NUTF2: variants seen among roughly 807,000 people sequenced by gnomAD.
The protein encoded by NUTF2 is nuclear transport factor 2, also known as placental protein 15.
NUTF2 carries 3 observed loss-of-function variants against 18.5 expected under a neutral mutation model. The ratio of observed to expected loss-of-function variants is 0.16; its 90% CI spans 0.07 to 0.42. The LOEUF (loss-of-function observed/expected upper bound fraction) is 0.42. NUTF2 is among the 10% of genes least tolerant of loss of function. The probability of loss-of-function intolerance (pLI) is 0.99; values close to 1 mark genes in which losing one functional copy is unlikely to be tolerated. For synonymous variants in NUTF2, 51 were observed against 57.9 expected, an observed-to-expected ratio of 0.88 and a Z score of 0.54; for missense variants, 44 against 160.7, an observed-to-expected ratio of 0.27 and a Z score of 3.93.
At chr16:67,859,047 C>G (rs1167350228) in intron 1 of NUTF2, among the ~76,000 whole-genome samples, 1 of 151,778 alleles carries the variant, frequency 6.6e-6, no homozygotes, top group East Asian at 1.9e-4. Context: ...GTTGTCCAGG[C>G]TGGTCTTGAA....
At chr16:67,865,060 C>A (rs1242443356) in intron 1 of NUTF2, 42 bp from the exon 2 acceptor site, 10 of 1,033,094 alleles carry the variant, frequency 9.7e-6, no homozygotes, top group African/African-American at 1.6e-5. Flanking sequence ...CACCTACTCT[C>A]ATGGTACCAA....
intron 2 of NUTF2, among the ~76,000 whole-genome samples, chr16:67,866,014 G>A (rs1002083724): frequency 2.6e-5 from 4 of 151,984 alleles, no homozygotes; most frequent in African/African-American, 4.8e-5. Flanking sequence ...CACTGCGCCC[G>A]GCATTTGCTG....
In NUTF2 at chr16:67,872,454, G is replaced by A. The variant is rs2058020501; in HGVS notation, c.*1541G>A. 6.6e-6 allele frequency: 1 copy of A among 152,370 alleles called. No homozygotes were observed. Among genetic ancestry groups the A allele is most frequent in the African/African-American group, 2.4e-5 (1 of 41,426 alleles). The allele number at this position is 152,370 out of a possible 1,614,324, so 9.4% of individuals were successfully genotyped here. ...GGCTGATGTGTATTTGGGGAAGTGG[G>A]GGTGGGGAAGAGGTAGGTGCCTGCT... is the stretch of plus-strand genomic sequence containing the variant. On this transcript the variant is annotated 3_prime_UTR_variant, in exon 5 of 5. Coordinates refer to ENST00000219169, the MANE Select transcript of NUTF2 (RefSeq NM_005796.3).
intron 1 of NUTF2, among the ~76,000 whole-genome samples, chr16:67,848,792 C>T (rs2057829527): frequency 6.6e-6 from 1 of 151,794 alleles, no homozygotes. Flanking sequence ...TCAATCTCTG[C>T]AGCTCTGGCC....
chr16:67,859,439 T>C (rs1361238764), intron 1 of NUTF2, among the ~76,000 whole-genome samples: 1 of 149,542 alleles, frequency 6.7e-6, no homozygotes, highest in Non-Finnish European at 1.5e-5. Flanking sequence ...AACCTCTGCC[T>C]CCCGGGTTCA....
At chr16:67,865,716 G>C (rs1436056442) in intron 2 of NUTF2, among the ~76,000 whole-genome samples, 1 of 149,770 alleles carries the variant, frequency 6.7e-6, no homozygotes, top group Admixed American at 6.6e-5. Flanking sequence ...ATTGCTGGCT[G>C]CTCTTTTTTT....
At chr16:67,855,261 G>T (rs986452841) in intron 1 of NUTF2, among the ~76,000 whole-genome samples, 1 of 152,200 alleles carries the variant, frequency 6.6e-6, no homozygotes, top group African/African-American at 2.4e-5. Flanking sequence ...GCTGGAGTGT[G>T]CCCTCCTGGG....
At chr16:67,862,927 A>G (rs753229474) in intron 1 of NUTF2, among the ~76,000 whole-genome samples, 3 of 152,078 alleles carry the variant, frequency 2.0e-5, no homozygotes, top group African/African-American at 7.2e-5. Flanking sequence ...GTAGAAGGAG[A>G]TGTGGCCCTT....
At chr16:67,860,412 C>G (rs1049563305) in intron 1 of NUTF2, among the ~76,000 whole-genome samples, 2 of 152,146 alleles carry the variant, frequency 1.3e-5, no homozygotes, top group African/African-American at 2.4e-5. Flanking sequence ...GTAGCTGAGA[C>G]TAAAGGAGTG....
At position 67,868,466 on chromosome 16, in the gene NUTF2, C is replaced by G. The variant is rs141208457; in HGVS notation, c.172-35C>G. 1.4e-3 allele frequency: 2,335 copies of G among 1,613,798 alleles called. 38 individuals carry two copies. The Admixed American group carries it at 0.033, about 23-fold the overall frequency. ...TGGCTCCTTTCCCACCCCTTCTGGC[C>G]TTGGTTCTCCCACCTCCCACTCTCT... is the stretch of plus-strand genomic sequence containing the variant. On this transcript the variant is annotated intron_variant, in intron 3 of 4. Coordinates refer to ENST00000219169, the MANE Select transcript of NUTF2 (RefSeq NM_005796.3).
chr16:67,866,878 G>C (rs748160096), intron 2 of NUTF2, among the ~76,000 whole-genome samples: 1 of 152,198 alleles, frequency 6.6e-6, no homozygotes, highest in Non-Finnish European at 1.5e-5. Context: ...AAAGTGCTGG[G>C]ATTACAGGTG....
At chr16:67,851,513 T>G (rs532404696) in intron 1 of NUTF2, among the ~76,000 whole-genome samples, 1 of 151,434 alleles carries the variant, frequency 6.6e-6, no homozygotes, top group Admixed American at 6.6e-5. Flanking sequence ...TTGTTTTTTT[T>G]ATTATTATTA....
intron 4 of NUTF2, among the ~76,000 whole-genome samples, chr16:67,869,699 C>T (rs902987074): frequency 9.2e-5 from 14 of 152,220 alleles, no homozygotes; most frequent in South Asian, 4.1e-4. Flanking sequence ...GCAGGAGAAT[C>T]GCTTGAACCT....
chr16:67,850,781 G>A (rs1357444653), intron 1 of NUTF2, among the ~76,000 whole-genome samples: 2 of 152,010 alleles, frequency 1.3e-5, no homozygotes, highest in South Asian at 2.1e-4. Context: ...ATGTCCCTTC[G>A]TGTATAGGAG....
chr16:67,867,164 G>T (rs2057979071), intron 2 of NUTF2, among the ~76,000 whole-genome samples: 1 of 149,924 alleles, frequency 6.7e-6, no homozygotes, highest in African/African-American at 2.5e-5. Flanking sequence ...GAGAGACGGG[G>T]TTTCACCATG....
At chr16:67,854,249 C>A (rs543624345) in intron 1 of NUTF2, among the ~76,000 whole-genome samples, 1 of 152,344 alleles carries the variant, frequency 6.6e-6, no homozygotes, top group African/African-American at 2.4e-5. Context: ...GCTTGCCTGG[C>A]CTGTGCGAGG....
intron 1 of NUTF2, among the ~76,000 whole-genome samples, chr16:67,860,132 A>G (rs1050080744): frequency 9.9e-5 from 15 of 151,912 alleles, no homozygotes; most frequent in African/African-American, 3.1e-4. Context: ...GGTGTCTGCC[A>G]CCACGCCCAG....
chr16:67,853,316 T>C (rs752257771), intron 1 of NUTF2, among the ~76,000 whole-genome samples: 11 of 151,738 alleles, frequency 7.2e-5, no homozygotes, highest in Non-Finnish European at 1.2e-4. Flanking sequence ...CTCAGCCTCC[T>C]GAGTAGCTGG....
At chr16:67,852,665 CTTTAT>C (rs1598159166) in intron 1 of NUTF2, among the ~76,000 whole-genome samples, 3 of 150,394 alleles carry the variant, frequency 2.0e-5, no homozygotes, top group African/African-American at 2.4e-5. Flanking sequence ...GCCTTTTTTT[CTTTAT>C]TTTATTTCTT....
Sources: gnomAD v4.1 joint callset for allele counts (sites outside exome capture counted in the v4.1 genomes callset) on GRCh38, gnomAD v4.1.1 for gene constraint, MANE v1.5 for transcripts, NCBI Gene and HGNC (gene_info 2026-07-23, HGNC 2026-07-21) for gene names.